The following PCDH11Y variants were observed in gnomAD, a reference collection of about 807,000 sequenced individuals.
The protein encoded by PCDH11Y is protocadherin 11 Y-linked.
For synonymous variants in PCDH11Y, 9 were observed against 83.6 expected (o/e 0.11, Z 4.87); for missense variants, 12 against 224.8 (o/e 0.05, Z 6.05).
At chrY:5,390,923 A>G in intron 2 of PCDH11Y, among the ~76,000 whole-genome samples, 1 of 32,579 alleles carries the variant, frequency 3.1e-5, no homozygotes, top group Non-Finnish European at 7.5e-5. Context: ...ATAGTGAAAT[A>G]TAGTGTACAG....
intron 2 of PCDH11Y, among the ~76,000 whole-genome samples, chrY:5,500,685 A>T: frequency 3.0e-5 from 1 of 33,854 alleles, no homozygotes; most frequent in Admixed American, 2.7e-4. Flanking sequence ...ATATTTATCC[A>T]CATTTATTAC....
chrY:5,508,824 T>G, intron 3 of PCDH11Y, among the ~76,000 whole-genome samples: 1 of 32,974 alleles, frequency 3.0e-5, no homozygotes, highest in African/African-American at 1.2e-4. Flanking sequence ...TTAACTTCAC[T>G]GTCTCTTTTT....
At chrY:5,431,264 A>G (rs2053268617) in intron 2 of PCDH11Y, among the ~76,000 whole-genome samples, 16 of 33,111 alleles carry the variant, frequency 4.8e-4, no homozygotes, top group Non-Finnish European at 1.5e-4. Flanking sequence ...AATGTTAACT[A>G]AAAAGAATGT....
intron 2 of PCDH11Y, among the ~76,000 whole-genome samples, chrY:5,164,037 T>C: frequency 2.9e-5 from 1 of 34,151 alleles, no homozygotes; most frequent in African/African-American, 1.1e-4. Context: ...AACATATATA[T>C]GTATTGTTTT....
At chrY:5,312,361 A>C in intron 2 of PCDH11Y, among the ~76,000 whole-genome samples, 1 of 31,339 alleles carries the variant, frequency 3.2e-5, no homozygotes, top group African/African-American at 1.2e-4. Context: ...ATGACCCAGC[A>C]AGCTAAAAAT....
At chrY:5,352,609 C>T in intron 2 of PCDH11Y, among the ~76,000 whole-genome samples, 3 of 33,405 alleles carry the variant, frequency 9.0e-5, no homozygotes, top group Admixed American at 2.8e-4. Context: ...CAGAAGCAGA[C>T]ATTTTGGTTA....
intron 2 of PCDH11Y, among the ~76,000 whole-genome samples, chrY:5,305,490 G>T (rs2053088920): frequency 1.1e-3 from 38 of 33,142 alleles, no homozygotes; most frequent in African/African-American, 4.5e-3. Context: ...ATTTTTCTCA[G>T]TCTCAGTTTC....
chrY:5,158,620 C>T, intron 2 of PCDH11Y, among the ~76,000 whole-genome samples: 1 of 27,830 alleles, frequency 3.6e-5, no homozygotes, highest in Non-Finnish European at 8.4e-5. Context: ...TAGAAAATAC[C>T]TCAGCAAGAT....
rs2053262816 is a variant in PCDH11Y, at chrY:5,425,877, A to AT, written c.3130-75170dup. Among the ~76,000 whole-genome samples the AT allele has an allele frequency of 3.2e-4, 10 of 31,421 alleles. No homozygotes were observed. In the South Asian group the frequency reaches 6.4e-3, roughly 20 times the overall value. The allele number at this position is 31,421 out of a possible 37,273, so 84.3% of individuals were successfully genotyped here. On this transcript the variant is annotated intron_variant, in intron 2 of 4. Coordinates refer to the PCDH11Y transcript ENST00000400457. ...GAATGAAATATAATTAAATGTTTGCATTTTTTTTTTCCACAGTAGCTCACA... is the reference window on the plus strand; with the variant it reads ...GAATGAAATATAATTAAATGTTTGCATTTTTTTTTTTCCACAGTAGCTCACA...
chrY:5,078,857 TC>T, intron 1 of PCDH11Y, among the ~76,000 whole-genome samples: 1 of 32,844 alleles, frequency 3.0e-5, no homozygotes, highest in Non-Finnish European at 7.5e-5. Flanking sequence ...TTCCCAACTG[TC>T]CTCCAAAGTC....
chrY:5,156,724 A>G, intron 2 of PCDH11Y, among the ~76,000 whole-genome samples: 1 of 30,310 alleles, frequency 3.3e-5, no homozygotes, highest in Non-Finnish European at 7.9e-5. Context: ...GCAGTAATTA[A>G]CAGGCCAAGC....
At chrY:5,118,298 G>A in intron 2 of PCDH11Y, among the ~76,000 whole-genome samples, 1 of 32,480 alleles carries the variant, frequency 3.1e-5, no homozygotes, top group Non-Finnish European at 7.5e-5. Flanking sequence ...GTGCAATCTC[G>A]GCTCACTGCA....
rs2052824335 is a variant in PCDH11Y at position 5,125,677 on chromosome Y, A to T, written c.3129+24970A>T. On this transcript the variant is annotated intron_variant, in intron 2 of 4. Transcript: ENST00000400457. ...TTGTAGTGGAGACTTGCTCTTTGCC[A>T]TTCTATTTACATAACATGATTAAAT... is the stretch of plus-strand genomic sequence containing the variant. Among the ~76,000 whole-genome samples the T allele has an allele frequency of 4.2e-4, 14 of 33,402 alleles. No individual in the cohort carries two copies. The South Asian group carries it at 9.1e-3, about 22-fold the overall frequency. The allele number at this position is 33,402 out of a possible 37,273, so 89.6% of individuals were successfully genotyped here. A position where few individuals can be genotyped will look rare whatever the true frequency, so the allele number is the denominator to read the frequency against.
intron 4 of PCDH11Y, among the ~76,000 whole-genome samples, chrY:5,698,487 G>A: frequency 3.1e-5 from 1 of 32,175 alleles, no homozygotes; most frequent in Non-Finnish European, 7.6e-5. Context: ...TACATAATTT[G>A]ATAGTTCTCA....
At chrY:5,197,376 C>T (rs1361839576) in intron 2 of PCDH11Y, among the ~76,000 whole-genome samples, 611 of 32,840 alleles carry the variant, frequency 0.019, no homozygotes, top group Admixed American at 0.084. Context: ...GTTTTGGTTA[C>T]TGTAGCCTTG....
chrY:5,492,924 T>C (rs2053340364), intron 2 of PCDH11Y, among the ~76,000 whole-genome samples: 1 of 32,650 alleles, frequency 3.1e-5, no homozygotes, highest in Non-Finnish European at 7.5e-5. Flanking sequence ...GAACACCAGG[T>C]AAAAAAGATG....
chrY:5,399,085 G>T (rs2053229785), intron 2 of PCDH11Y, among the ~76,000 whole-genome samples: 2 of 33,151 alleles, frequency 6.0e-5, no homozygotes, highest in Non-Finnish European at 1.5e-4. Context: ...GGAACTCTAG[G>T]GTCTAGTACA....
intron 2 of PCDH11Y, among the ~76,000 whole-genome samples, chrY:5,373,376 G>A (rs2053193259): frequency 3.8e-5 from 1 of 26,432 alleles, no homozygotes; most frequent in Non-Finnish European, 8.4e-5. Flanking sequence ...AGTAGAGACG[G>A]AGTTTCACCA....
chrY:5,369,416 A>G (rs2053185222), intron 2 of PCDH11Y, among the ~76,000 whole-genome samples: 2 of 33,248 alleles, frequency 6.0e-5, no homozygotes, highest in South Asian at 1.4e-3. Flanking sequence ...TTCTTTTGCT[A>G]CTGCCATGTA....
Sources: allele counts gnomAD v4.1 joint callset (sites outside exome capture counted in the v4.1 genomes callset), GRCh38; gene constraint gnomAD v4.1.1; transcripts MANE v1.5; gene names NCBI Gene and HGNC (gene_info 2026-07-23, HGNC 2026-07-21).